Variants in ATRNL1 observed in about 807,000 individuals in gnomAD.
The protein encoded by ATRNL1 is attractin like 1, also known as attractin-like protein 1.
Under a neutral mutation model 182.7 loss-of-function variants are expected in ATRNL1, and 95 were observed. The ratio of observed to expected loss-of-function variants is 0.52; its 90% CI spans 0.44 to 0.62. ATRNL1 has a LOEUF of 0.62. ATRNL1 is among the 20% of genes least tolerant of loss of function. The pLI is 0.00. For synonymous variants in ATRNL1, 576 were observed against 568.3 expected (o/e 1.01, Z -0.19); for missense variants, 1,471 against 1,679.5 (o/e 0.88, Z 2.17).
intron 28 of ATRNL1, among the ~76,000 whole-genome samples, chr10:115,852,107 G>T (rs1951070798): frequency 6.6e-6 from 1 of 152,166 alleles, no homozygotes. Context: ...ATGAGAAGCA[G>T]ATTAACTTTT....
chr10:115,933,451 C>T (rs1255780365), intron 28 of ATRNL1, among the ~76,000 whole-genome samples: 8 of 152,210 alleles, frequency 5.3e-5, no homozygotes, highest in Non-Finnish European at 1.0e-4. Flanking sequence ...ATCCAGTCCC[C>T]TGACTTCACA....
At chr10:115,485,387 A>T (rs539433362) in intron 24 of ATRNL1, among the ~76,000 whole-genome samples, 1 of 152,148 alleles carries the variant, frequency 6.6e-6, no homozygotes, top group African/African-American at 2.4e-5. Context: ...TGTATTTATA[A>T]TGTAAACATG....
chr10:115,197,057 T>C (rs560772501), intron 8 of ATRNL1, among the ~76,000 whole-genome samples: 1 of 152,246 alleles, frequency 6.6e-6, no homozygotes, highest in South Asian at 2.1e-4. Flanking sequence ...CTTTTATTTC[T>C]AGTTTGTTTA....
intron 1 of ATRNL1, among the ~76,000 whole-genome samples, chr10:115,110,530 T>C (rs560226543): frequency 8.5e-5 from 13 of 152,280 alleles, no homozygotes; most frequent in Admixed American, 6.5e-4. Context: ...AGTGGATGCT[T>C]TTCTGGAGCC....
chr10:115,456,066 A>G (rs1424036294), intron 21 of ATRNL1, among the ~76,000 whole-genome samples: 3 of 152,162 alleles, frequency 2.0e-5, no homozygotes, highest in African/African-American at 7.2e-5. Context: ...CCATTGTGAA[A>G]GACAGTGTGG....
intron 26 of ATRNL1, among the ~76,000 whole-genome samples, chr10:115,694,374 TA>T (rs1946487772): frequency 1.3e-5 from 2 of 152,266 alleles, no homozygotes; most frequent in Admixed American, 1.3e-4. Flanking sequence ...CAATTTATTA[TA>T]GAAAGACTTT....
chr10:115,851,962 C>T (rs1027789098), intron 28 of ATRNL1, among the ~76,000 whole-genome samples: 3 of 152,088 alleles, frequency 2.0e-5, no homozygotes, highest in Non-Finnish European at 4.4e-5. Flanking sequence ...GGTCCCCAAG[C>T]GTTTTAGAGG....
chr10:115,334,054 C>T (rs1449254079), intron 18 of ATRNL1, among the ~76,000 whole-genome samples: 1 of 152,020 alleles, frequency 6.6e-6, no homozygotes, highest in African/African-American at 2.4e-5. Flanking sequence ...CATCTTTAAC[C>T]ATGGCATTGT....
chr10:115,350,268 G>A (rs1163239115), intron 19 of ATRNL1, among the ~76,000 whole-genome samples: 2 of 146,148 alleles, frequency 1.4e-5, no homozygotes, highest in Non-Finnish European at 3.0e-5. Context: ...CCCGGGAGGC[G>A]GAGGTTGCAG....
chr10:115,354,084 C>T (rs1718664257), intron 19 of ATRNL1, among the ~76,000 whole-genome samples: 1 of 152,142 alleles, frequency 6.6e-6, no homozygotes, highest in Admixed American at 6.5e-5. Context: ...CAGCCCAGGA[C>T]AGCTTTGAAT....
chr10:115,631,976 T>A (rs80092505), intron 26 of ATRNL1, among the ~76,000 whole-genome samples: 1 of 152,298 alleles, frequency 6.6e-6, no homozygotes, highest in Non-Finnish European at 1.5e-5. Flanking sequence ...AATATATAGT[T>A]GTACTCATCA....
chr10:115,389,179 G>C (rs1048909893), intron 19 of ATRNL1, among the ~76,000 whole-genome samples: 3 of 151,962 alleles, frequency 2.0e-5, no homozygotes, highest in African/African-American at 7.2e-5. Flanking sequence ...TTTGTGCCTG[G>C]TTTATTTCAT....
At chr10:115,450,472 T>C (rs1173663660) in intron 21 of ATRNL1, among the ~76,000 whole-genome samples, 2 of 152,110 alleles carry the variant, frequency 1.3e-5, no homozygotes, top group Admixed American at 6.6e-5. Context: ...GTTACTAGTG[T>C]TCCTATGCAC....
At chr10:115,688,633 G>A (rs557566429) in intron 26 of ATRNL1, among the ~76,000 whole-genome samples, 3 of 151,900 alleles carry the variant, frequency 2.0e-5, no homozygotes, top group Non-Finnish European at 4.4e-5. Context: ...ACAACTATTC[G>A]TGTCCTTTTC....
chr10:115,117,834 C>A (rs1844560026), intron 1 of ATRNL1, among the ~76,000 whole-genome samples: 1 of 152,100 alleles, frequency 6.6e-6, no homozygotes, highest in Non-Finnish European at 1.5e-5. Context: ...TAAGAGGGTT[C>A]CCTTTTCTCC....
chr10:115,605,493 A>G (rs1555017320), intron 26 of ATRNL1, among the ~76,000 whole-genome samples: 1 of 151,948 alleles, frequency 6.6e-6, no homozygotes, highest in East Asian at 1.9e-4. Context: ...ATATTTATAC[A>G]TATGACCCCT....
intron 27 of ATRNL1, among the ~76,000 whole-genome samples, chr10:115,741,107 T>A (rs551993638): frequency 6.7e-4 from 102 of 152,278 alleles, no homozygotes; most frequent in African/African-American, 2.2e-3. Context: ...GAGGTAGATA[T>A]GGAAAATATG....
intron 28 of ATRNL1, among the ~76,000 whole-genome samples, chr10:115,941,973 A>T (rs1953743936): frequency 6.6e-6 from 1 of 152,244 alleles, no homozygotes; most frequent in South Asian, 2.1e-4. Flanking sequence ...ACTCTAAAAC[A>T]TTCAGGATGA....
At chr10:115,625,907 T>C (rs1423391718) in intron 26 of ATRNL1, among the ~76,000 whole-genome samples, 1 of 152,166 alleles carries the variant, frequency 6.6e-6, no homozygotes, top group Non-Finnish European at 1.5e-5. Context: ...CGTTCCTCTG[T>C]CAGTATAAAG....
Sources: allele counts gnomAD v4.1 joint callset (sites outside exome capture counted in the v4.1 genomes callset), GRCh38; gene constraint gnomAD v4.1.1; transcripts MANE v1.5; gene names NCBI Gene and HGNC (gene_info 2026-07-23, HGNC 2026-07-21).